The following ADAMTSL1 variants were observed in gnomAD, a reference collection of about 807,000 sequenced individuals.
ADAMTSL1 encodes ADAMTS-like protein 1.
Under a neutral mutation model 201.8 loss-of-function variants are expected in ADAMTSL1, and 126 were observed. The ratio of observed to expected loss-of-function variants is 0.62; its 90% confidence interval spans 0.54 to 0.72. ADAMTSL1 has a LOEUF of 0.72. Among genes scored for constraint, ADAMTSL1 ranks in the 30% least tolerant of loss-of-function variants. The pLI, the probability that ADAMTSL1 is intolerant of heterozygous loss-of-function variation, is 0.00. For synonymous variants in ADAMTSL1, 1,121 were observed against 903.4 expected, an observed-to-expected ratio of 1.24 and a Z score of -4.32; for missense variants, 2,679 against 2,277.8, an observed-to-expected ratio of 1.18 and a Z score of -3.59.
At chr9:18,099,220 T>C (rs1488990904) in intron 1 of ADAMTSL1, among the ~76,000 whole-genome samples, 3 of 149,828 alleles carry the variant, frequency 2.0e-5, no homozygotes, top group Non-Finnish European at 4.4e-5. Flanking sequence ...TATTCAAATA[T>C]GTTACTCTAT....
chr9:18,370,492 C>A (rs532289359), intron 2 of ADAMTSL1, among the ~76,000 whole-genome samples: 10 of 152,226 alleles, frequency 6.6e-5, no homozygotes, highest in South Asian at 2.1e-4. Context: ...ACACAACCTA[C>A]GTAAAGCACT....
chr9:18,452,048 G>A (rs1820426560), intron 2 of ADAMTSL1, among the ~76,000 whole-genome samples: 1 of 152,126 alleles, frequency 6.6e-6, no homozygotes. Flanking sequence ...CGAGTAGCTG[G>A]GATTACAGGC....
chr9:18,105,812 T>C (rs1440398901), intron 1 of ADAMTSL1, among the ~76,000 whole-genome samples: 1 of 152,172 alleles, frequency 6.6e-6, no homozygotes, highest in African/African-American at 2.4e-5. Flanking sequence ...GGGAAAACCA[T>C]ACTGACAAAT....
chr9:18,594,093 T>C (rs1450145986), intron 4 of ADAMTSL1, among the ~76,000 whole-genome samples: 1 of 152,088 alleles, frequency 6.6e-6, no homozygotes, highest in East Asian at 1.9e-4. Flanking sequence ...TCTGGAAAAG[T>C]CTTTAGTTCT....
intron 9 of ADAMTSL1, among the ~76,000 whole-genome samples, chr9:18,669,593 C>G (rs1829688592): frequency 6.6e-6 from 1 of 152,008 alleles, no homozygotes; most frequent in Non-Finnish European, 1.5e-5. Flanking sequence ...TTTATGGGAT[C>G]CCAACGTGCC....
At chr9:18,696,193 T>C (rs1831538588) in intron 13 of ADAMTSL1, among the ~76,000 whole-genome samples, 1 of 152,096 alleles carries the variant, frequency 6.6e-6, no homozygotes, top group Admixed American at 6.6e-5. Flanking sequence ...ATCCAAACCA[T>C]ATCAGCCAGC....
intron 23 of ADAMTSL1, among the ~76,000 whole-genome samples, chr9:18,868,673 T>G (rs1025792868): frequency 1.3e-5 from 2 of 152,230 alleles, no homozygotes; most frequent in East Asian, 3.8e-4. Context: ...TGCTAAACCT[T>G]GCAGATTTTA....
intron 1 of ADAMTSL1, among the ~76,000 whole-genome samples, chr9:18,062,558 C>T (rs1028963): frequency 0.63 from 95,693 of 151,902 alleles, 30,442 homozygotes; most frequent in African/African-American, 0.72. Flanking sequence ...CTACCTTTAA[C>T]TGTAAATGAA....
intron 15 of ADAMTSL1, among the ~76,000 whole-genome samples, chr9:18,742,569 T>G (rs1341955741): frequency 6.6e-6 from 1 of 152,136 alleles, no homozygotes; most frequent in Non-Finnish European, 1.5e-5. Context: ...GCTGGGATGG[T>G]GAGGGAAACC....
At chr9:18,146,360 T>C (rs1274541163) in intron 1 of ADAMTSL1, among the ~76,000 whole-genome samples, 3 of 152,138 alleles carry the variant, frequency 2.0e-5, no homozygotes, top group Non-Finnish European at 4.4e-5. Context: ...TATCCTTCAA[T>C]AGGTGAATGA....
intron 2 of ADAMTSL1, among the ~76,000 whole-genome samples, chr9:18,277,360 T>C (rs1216457418): frequency 6.6e-6 from 1 of 152,194 alleles, no homozygotes. Context: ...CCTATTAATA[T>C]TGTATTGCTG....
intron 1 of ADAMTSL1, among the ~76,000 whole-genome samples, chr9:18,151,492 G>A (rs949542171): frequency 4.6e-5 from 7 of 151,746 alleles, no homozygotes; most frequent in African/African-American, 1.7e-4. Context: ...TCAATATACT[G>A]TATTTGATTA....
intron 2 of ADAMTSL1, among the ~76,000 whole-genome samples, chr9:18,267,691 A>G (rs7034909): frequency 0.11 from 16,866 of 151,142 alleles, 1,066 homozygotes; most frequent in Middle Eastern, 0.2. Flanking sequence ...AGTATTTTTT[A>G]ATAATTTGTT....
chr9:18,524,322 A>C (rs1818895214), intron 2 of ADAMTSL1, among the ~76,000 whole-genome samples: 1 of 152,220 alleles, frequency 6.6e-6, no homozygotes. Flanking sequence ...GTTGCTTAGC[A>C]GCTTAAGGAG....
intron 1 of ADAMTSL1, among the ~76,000 whole-genome samples, chr9:18,123,134 A>G (rs1825576355): frequency 6.6e-6 from 1 of 152,210 alleles, no homozygotes; most frequent in South Asian, 2.1e-4. Flanking sequence ...CATTGAATTT[A>G]AAATCCACTT....
At chr9:18,843,101 C>T (rs576765435) in intron 23 of ADAMTSL1, among the ~76,000 whole-genome samples, 2 of 151,170 alleles carry the variant, frequency 1.3e-5, no homozygotes, top group African/African-American at 4.9e-5. Flanking sequence ...TTATTTTGCT[C>T]GTTAGTTGAT....
At chr9:18,669,283 C>T (rs1280863592) in intron 9 of ADAMTSL1, among the ~76,000 whole-genome samples, 1 of 152,104 alleles carries the variant, frequency 6.6e-6, no homozygotes, top group Admixed American at 6.5e-5. Flanking sequence ...AAACAAAGAC[C>T]AAGGAAATAT....
Position 17,982,603 on chromosome 9 carries a change from C to T in ADAMTSL1, c.87+75681C>T, listed in dbSNP as rs560007343. On this transcript the variant is annotated intron_variant, in intron 1 of 29. Transcript: ENST00000680146. ...CTCCAGCCTGGGTGACAGAGCAAGA[C>T]TCCGTCTCAGGGAAAAATAAATAAA... 3.3e-5 allele frequency among the ~76,000 whole-genome samples: 5 copies of T among 151,952 alleles called. 1 individual carries two copies. The highest frequency in any genetic ancestry group is 2.0e-4 in the Admixed American group (3 of 15,232).
intron 20 of ADAMTSL1, among the ~76,000 whole-genome samples, chr9:18,805,259 T>C (rs1346787249): frequency 6.6e-6 from 1 of 152,264 alleles, no homozygotes; most frequent in Non-Finnish European, 1.5e-5. Context: ...TCTGTTGTAT[T>C]TAAATTATTT....
Sources: allele counts gnomAD v4.1 joint callset (sites outside exome capture counted in the v4.1 genomes callset), GRCh38; gene constraint gnomAD v4.1.1; transcripts MANE v1.5; gene names NCBI Gene and HGNC (gene_info 2026-07-23, HGNC 2026-07-21).